P3H2: variants seen among roughly 807,000 people sequenced by gnomAD.
P3H2 encodes the protein prolyl 3-hydroxylase 2.
In P3H2, 80 loss-of-function variants were observed where a neutral mutation model predicts 87.0. The observed-to-expected ratio is 0.92, with a 90% CI of 0.77 to 1.11. P3H2 has a LOEUF of 1.11. P3H2 is among the 50% of genes least tolerant of loss of function. The probability of loss-of-function intolerance (pLI) is 0.00; values close to 1 mark genes in which losing one functional copy is unlikely to be tolerated. For synonymous variants in P3H2, 367 were observed against 359.3 expected, an observed-to-expected ratio of 1.02 and a Z score of -0.24; for missense variants, 1,001 against 923.9, an observed-to-expected ratio of 1.08 and a Z score of -1.08.
chr3:190,087,046 G>T (rs1317366305), intron 1 of P3H2, among the ~76,000 whole-genome samples: 1 of 152,120 alleles, frequency 6.6e-6, no homozygotes, highest in Non-Finnish European at 1.5e-5. Flanking sequence ...GAAAATCCAT[G>T]CTATTTTCTC....
At position 189,957,755 on chromosome 3, in the gene P3H2, A is replaced by G; in HGVS notation, c.*157T>C. The G allele has an allele frequency of 4.7e-6, 3 of 641,186 alleles. No individual in the cohort carries two copies. The allele number at this position is 641,186 out of a possible 1,614,324, so 39.7% of individuals were successfully genotyped here. ...AACCCAAAACAAGAAAGATAGATTG[A>G]TAGATTGAGGCAACACAAGCATCCT... is the stretch of plus-strand genomic sequence containing the variant. On this transcript the variant is annotated 3_prime_UTR_variant, in exon 15 of 15. Coordinates refer to ENST00000319332, the MANE Select transcript of P3H2 (RefSeq NM_018192.4).
intron 1 of P3H2, among the ~76,000 whole-genome samples, chr3:190,089,274 C>T (rs959770993): frequency 7.9e-5 from 12 of 152,056 alleles, no homozygotes; most frequent in Non-Finnish European, 1.6e-4. Context: ...ATGTAAATGA[C>T]GAGTTAATGG....
intron 1 of P3H2, among the ~76,000 whole-genome samples, chr3:190,077,562 T>C (rs905372696): frequency 3.9e-5 from 6 of 152,200 alleles, no homozygotes; most frequent in African/African-American, 1.4e-4. Flanking sequence ...AGAATTGTTC[T>C]TGTCTATTGA....
chr3:190,038,857 T>A (rs1248360217), intron 1 of P3H2, among the ~76,000 whole-genome samples: 1 of 152,226 alleles, frequency 6.6e-6, no homozygotes, highest in Non-Finnish European at 1.5e-5. Flanking sequence ...GCAGTTAGTA[T>A]GCTTCATGAA....
At chr3:189,980,562 C>G (rs1339765048) in intron 8 of P3H2, among the ~76,000 whole-genome samples, 1 of 148,512 alleles carries the variant, frequency 6.7e-6, no homozygotes, top group Admixed American at 6.7e-5. Flanking sequence ...GACTCCATCT[C>G]AAAAAAAAAG....
intron 1 of P3H2, among the ~76,000 whole-genome samples, chr3:190,119,036 C>T (rs926344397): frequency 4.6e-5 from 7 of 150,744 alleles, no homozygotes; most frequent in African/African-American, 9.8e-5. Flanking sequence ...GCCCGGGAGG[C>T]GGAGGTTGCA....
chr3:189,974,595 G>C lies in P3H2; in HGVS notation c.1415C>G (p.Ser472Trp). 1 of 1,614,100 alleles carries C rather than the reference G, an allele frequency of 6.2e-7. No homozygotes were observed. Among genetic ancestry groups the C allele is most frequent in the Non-Finnish European group, 8.5e-7 (1 of 1,180,034 alleles). Residue 472 changes from serine (S) to tryptophan (W), a missense_variant, in exon 9 of 15, where the codon TCG (serine) becomes TGG (tryptophan). Ser to Trp is a radical substitution (Grantham distance 177). Transcript: ENST00000319332. The stretch of plus-strand genomic sequence containing the variant: ...GTGGAGCTCCCGGCACTGTTCTTCC[G>C]ACAGGACGTTATCCAGGAGAACCCG... Reference protein sequence around the residue: ...TQRVLLDNVLSEEQCRELHSV... With the variant: ...TQRVLLDNVLWEEQCRELHSV...
chr3:190,055,712 G>A (rs984972535), intron 1 of P3H2, among the ~76,000 whole-genome samples: 16 of 152,232 alleles, frequency 1.1e-4, no homozygotes, highest in African/African-American at 2.4e-4. Context: ...TAGATTCAGC[G>A]TTCCAAGAAA....
At chr3:190,112,638 A>G (rs1712114020) in intron 1 of P3H2, among the ~76,000 whole-genome samples, 1 of 152,222 alleles carries the variant, frequency 6.6e-6, no homozygotes, top group East Asian at 1.9e-4. Context: ...CAGAGAAATA[A>G]CTAGAGGAAA....
In P3H2 at chr3:190,052,377, T is replaced by G. The variant is rs1432340946; in HGVS notation, c.481-56935A>C. 2.0e-5 allele frequency among the ~76,000 whole-genome samples: 3 copies of G among 152,162 alleles called. No individual in the cohort carries two copies. In the East Asian group the frequency reaches 5.8e-4, roughly 29 times the overall value. Reference sequence around the variant, plus strand: ...TGTTCCTGTATTAGTTTGCTGAGAATGATAGCTTCCAGTTTCATCCATGTC... The same window carrying G: ...TGTTCCTGTATTAGTTTGCTGAGAAGGATAGCTTCCAGTTTCATCCATGTC... On this transcript the variant is annotated intron_variant, in intron 1 of 14. Coordinates refer to ENST00000319332, the MANE Select transcript of P3H2 (RefSeq NM_018192.4).
chr3:190,081,886 T>G (rs1417746292), intron 1 of P3H2, among the ~76,000 whole-genome samples: 2 of 152,368 alleles, frequency 1.3e-5, no homozygotes, highest in South Asian at 2.1e-4. Context: ...AAAAATGTGC[T>G]GAACAGCTAA....
chr3:189,989,642 T>C (rs1723818124), intron 3 of P3H2, among the ~76,000 whole-genome samples: 1 of 152,236 alleles, frequency 6.6e-6, no homozygotes, highest in South Asian at 2.1e-4. Context: ...TATAAATTAG[T>C]CTATCGCCTA....
chr3:189,977,837 T>G (rs980014350), intron 8 of P3H2, among the ~76,000 whole-genome samples: 1 of 152,036 alleles, frequency 6.6e-6, no homozygotes, highest in Non-Finnish European at 1.5e-5. Flanking sequence ...CTTCAACTCC[T>G]GGACTCAAGC....
chr3:190,077,775 G>C (rs982427663), intron 1 of P3H2, among the ~76,000 whole-genome samples: 1 of 152,190 alleles, frequency 6.6e-6, no homozygotes, highest in African/African-American at 2.4e-5. Flanking sequence ...TTTAGGAAGA[G>C]ATGCAACTAC....
At position 190,056,421 on chromosome 3, in the gene P3H2, T is replaced by C. The variant is rs1346372239; in HGVS notation, c.481-60979A>G. On this transcript the variant is annotated intron_variant, in intron 1 of 14. Transcript: ENST00000319332. ...ATATTCCCGAGTACTCAACACAGGGTCCACATAGCAAGGGCTCACTAAACA... is the reference window on the plus strand; with the variant it reads ...ATATTCCCGAGTACTCAACACAGGGCCCACATAGCAAGGGCTCACTAAACA... Among the ~76,000 whole-genome samples the C allele has an allele frequency of 1.3e-5, 2 of 152,042 alleles. 1 individual carries two copies. Among genetic ancestry groups the C allele is most frequent in the Admixed American group, 1.3e-4 (2 of 15,256 alleles).
At chr3:190,053,940 C>T (rs1331889231) in intron 1 of P3H2, among the ~76,000 whole-genome samples, 1 of 152,194 alleles carries the variant, frequency 6.6e-6, no homozygotes, top group Non-Finnish European at 1.5e-5. Flanking sequence ...CATAGGTCTA[C>T]AATCTATTGA....
chr3:190,104,575 A>G (rs1003791608), intron 1 of P3H2, among the ~76,000 whole-genome samples: 1 of 152,250 alleles, frequency 6.6e-6, no homozygotes, highest in Non-Finnish European at 1.5e-5. Flanking sequence ...TGGCCTCTGG[A>G]CAGTACATAC....
At chr3:190,100,250 G>GCCC (rs57688779) in intron 1 of P3H2, among the ~76,000 whole-genome samples, 2 of 70,276 alleles carry the variant, frequency 2.8e-5, no homozygotes, top group South Asian at 6.7e-4. Context: ...CCCCCCCGCC[G>GCCC]CCCCCCCCCC....
At chr3:190,002,012 T>C (rs1201455381) in intron 1 of P3H2, among the ~76,000 whole-genome samples, 1 of 152,214 alleles carries the variant, frequency 6.6e-6, no homozygotes, top group South Asian at 2.1e-4. Context: ...AATTACAGTA[T>C]TTAAATGTAA....
Sources: gnomAD v4.1 joint callset for allele counts (sites outside exome capture counted in the v4.1 genomes callset) on GRCh38, gnomAD v4.1.1 for gene constraint, MANE v1.5 for transcripts, NCBI Gene and HGNC (gene_info 2026-07-23, HGNC 2026-07-21) for gene names.